SRD5A1: variants seen among roughly 807,000 people sequenced by gnomAD.
SRD5A1 encodes 3-oxo-5-alpha-steroid 4-dehydrogenase 1.
SRD5A1 carries 22 observed loss-of-function variants against 28.2 expected under a neutral mutation model. The ratio of observed to expected loss-of-function variants is 0.78; its 90% CI spans 0.56 to 1.12. SRD5A1 has a LOEUF of 1.12. Among genes scored for constraint, SRD5A1 ranks in the 50% most tolerant of loss-of-function variants. SRD5A1 has a pLI of 0.00. For missense variants in SRD5A1, 300 were observed against 346.7 expected (o/e 0.87, Z 1.07); for synonymous variants, 151 against 135.0 (o/e 1.12, Z -0.82).
intron 1 of SRD5A1, chr5:6,644,704 G>A (rs1202198139): frequency 5.5e-6 from 2 of 366,278 alleles, no homozygotes; most frequent in East Asian, 1.5e-4. Context: ...CAGGAAGGAT[G>A]TCTGATCACA....
chr5:6,636,879 C>CA (rs755438802), intron 1 of SRD5A1, among the ~76,000 whole-genome samples: 6 of 152,012 alleles, frequency 3.9e-5, no homozygotes, highest in African/African-American at 7.3e-5. Context: ...CTTTTGGACA[C>CA]AAACACCAGG....
At chr5:6,667,038 TG>T (rs1377039325) in intron 4 of SRD5A1, among the ~76,000 whole-genome samples, 2 of 152,248 alleles carry the variant, frequency 1.3e-5, no homozygotes, top group Admixed American at 6.5e-5. Context: ...TTGCAAGTGC[TG>T]GATGGCCTGG....
chr5:6,637,968 G>A lies in SRD5A1; in HGVS notation c.293+4099G>A, dbSNP rs144709700. Among the ~76,000 whole-genome samples, 373 of 152,344 alleles carry A rather than the reference G, an allele frequency of 2.4e-3. 1 individual carries two copies. Among genetic ancestry groups the A allele is most frequent in the Admixed American group, 3.9e-3 (60 of 15,306 alleles). On this transcript the variant is annotated intron_variant, in intron 1 of 4. Coordinates refer to ENST00000274192, the MANE Select transcript of SRD5A1 (RefSeq NM_001047.4). ...AGCCCAGCTTCACTTTTAAATGTGC[G>A]GTGGGTAATGTTAAAACACAGCAGG... is the stretch of plus-strand genomic sequence containing the variant.
chr5:6,648,222 A>G (rs897971579), intron 1 of SRD5A1, among the ~76,000 whole-genome samples: 2 of 151,754 alleles, frequency 1.3e-5, no homozygotes, highest in African/African-American at 2.4e-5. Flanking sequence ...TTTTTCCTTC[A>G]TTTCAACCTT....
At chr5:6,650,653 TA>T (rs1283346171) in intron 1 of SRD5A1, among the ~76,000 whole-genome samples, 46 of 151,982 alleles carry the variant, frequency 3.0e-4, no homozygotes, top group African/African-American at 1.1e-3. Context: ...TTTTTTTTTT[TA>T]ATTATACTTT....
chr5:6,668,102 C>G, intron 4 of SRD5A1, 100 bp from the exon 5 acceptor site: 1 of 717,372 alleles, frequency 1.4e-6, no homozygotes, highest in Non-Finnish European at 2.2e-6. Flanking sequence ...ATTTAAAAAA[C>G]TGAGTACTCT....
At chr5:6,658,983 G>C (rs1223531326) in intron 3 of SRD5A1, among the ~76,000 whole-genome samples, 1 of 152,054 alleles carries the variant, frequency 6.6e-6, no homozygotes, top group African/African-American at 2.4e-5. Context: ...CAGGCATGGT[G>C]GTGCACACCT....
At chr5:6,645,027 G>A (rs1342333422) in intron 1 of SRD5A1, 1 of 455,862 alleles carries the variant, frequency 2.2e-6, no homozygotes, top group East Asian at 7.0e-5. Context: ...GCCAACACGT[G>A]CTTTGCTGTA....
chr5:6,661,085 C>T (rs1738985472), intron 3 of SRD5A1, among the ~76,000 whole-genome samples: 1 of 152,162 alleles, frequency 6.6e-6, no homozygotes, highest in South Asian at 2.1e-4. Flanking sequence ...AGAATCAAAC[C>T]ATATCAGTAT....
At chr5:6,633,946 GC>G in intron 1 of SRD5A1, 77 bp downstream of exon 1, 1 of 1,508,810 alleles carries the variant, frequency 6.6e-7, no homozygotes, top group Non-Finnish European at 9.0e-7. Context: ...ACTGCCCGGT[GC>G]CCTCTCCCCG....
chr5:6,658,371 A>G (rs906746191), intron 3 of SRD5A1, among the ~76,000 whole-genome samples: 5 of 152,200 alleles, frequency 3.3e-5, no homozygotes, highest in Admixed American at 2.0e-4. Context: ...TGCAGAGTCT[A>G]TACCCATCAG....
chr5:6,644,197 A>G (rs1321142497), intron 1 of SRD5A1, among the ~76,000 whole-genome samples: 1 of 152,064 alleles, frequency 6.6e-6, no homozygotes, highest in African/African-American at 2.4e-5. Context: ...GTGTATTTCA[A>G]CCTTGCTAAT....
At chr5:6,641,548 C>T (rs1284711222) in intron 1 of SRD5A1, among the ~76,000 whole-genome samples, 1 of 152,140 alleles carries the variant, frequency 6.6e-6, no homozygotes, top group Non-Finnish European at 1.5e-5. Flanking sequence ...CCCTCCTCTC[C>T]CCTGTCCACC....
chr5:6,644,088 C>T (rs1738440048), intron 1 of SRD5A1, among the ~76,000 whole-genome samples: 1 of 152,218 alleles, frequency 6.6e-6, no homozygotes, highest in South Asian at 2.1e-4. Flanking sequence ...ACCACATACG[C>T]AGAATGTTTC....
At chr5:6,638,239 T>C (rs1374795521) in intron 1 of SRD5A1, among the ~76,000 whole-genome samples, 1 of 152,192 alleles carries the variant, frequency 6.6e-6, no homozygotes, top group African/African-American at 2.4e-5. Flanking sequence ...CTTGGGAGGC[T>C]GAGGCAGGAG....
chr5:6,635,011 T>C (rs377673468), intron 1 of SRD5A1, among the ~76,000 whole-genome samples: 1 of 152,232 alleles, frequency 6.6e-6, no homozygotes, highest in East Asian at 1.9e-4. Flanking sequence ...GGTCCCACCT[T>C]AAAACACTCA....
chr5:6,639,641 G>C (rs924080400), intron 1 of SRD5A1, among the ~76,000 whole-genome samples: 1 of 152,172 alleles, frequency 6.6e-6, no homozygotes, highest in African/African-American at 2.4e-5. Context: ...GTGTTTGCTT[G>C]TTTATTAATT....
At chr5:6,647,906 C>T (rs992932662) in intron 1 of SRD5A1, among the ~76,000 whole-genome samples, 10 of 152,048 alleles carry the variant, frequency 6.6e-5, no homozygotes, top group Admixed American at 2.0e-4. Flanking sequence ...TGGCTGGTAC[C>T]GGTTGTTCCT....
rs139675736 is a variant in SRD5A1 at position 6,671,690 on chromosome 5, G to C, written c.*3422G>C. On this transcript the variant is annotated 3_prime_UTR_variant, in exon 5 of 5. Transcript: ENST00000274192. ...TTGGGGACTTGGGGGGAAGGGTAAG[G>C]GGGGGTGAGGAATAAAAGACAACAT... 805 of 145,560 alleles carry C rather than the reference G, an allele frequency of 5.5e-3. 7 individuals are homozygous for C. Among genetic ancestry groups the C allele is most frequent in the African/African-American group, 0.019 (774 of 39,978 alleles). The allele number at this position is 145,560 out of a possible 1,614,324, so 9.0% of individuals were successfully genotyped here. A position where few individuals can be genotyped will look rare whatever the true frequency, so the allele number is the denominator to read the frequency against.
Sources: gnomAD v4.1 joint callset for allele counts (sites outside exome capture counted in the v4.1 genomes callset) on GRCh38, gnomAD v4.1.1 for gene constraint, MANE v1.5 for transcripts, NCBI Gene and HGNC (gene_info 2026-07-23, HGNC 2026-07-21) for gene names.